MYO18B: variants seen among roughly 807,000 people sequenced by gnomAD.
MYO18B encodes unconventional myosin-XVIIIb.
MYO18B carries 204 observed loss-of-function variants against 273.0 expected under a neutral mutation model. The observed-to-expected ratio is 0.75, with a 90% confidence interval of 0.67 to 0.84. The LOEUF is 0.84. MYO18B is among the 40% of genes least tolerant of loss of function. The probability of loss-of-function intolerance (pLI) is 0.00; values close to 1 mark genes in which losing one functional copy is unlikely to be tolerated. For missense variants in MYO18B, 3,212 were observed against 3,287.6 expected (o/e 0.98, Z 0.56); for synonymous variants, 1,330 against 1,305.7 (o/e 1.02, Z -0.40).
At chr22:25,952,229 T>C in intron 37 of MYO18B, 57 bp from the exon 38 acceptor site, 1 of 1,579,844 alleles carries the variant, frequency 6.3e-7, no homozygotes, top group Non-Finnish European at 8.6e-7. Context: ...CCTGCACATG[T>C]CTCTGTCCTG....
Position 25,874,402 on chromosome 22 carries a change from C to G in MYO18B, c.4068C>G (p.Phe1356Leu). Residue 1356 changes from phenylalanine to leucine, a missense_variant, in exon 23 of 44, where the codon TTC (phenylalanine) becomes TTG (leucine). Transcript: ENST00000335473. ...ACKGFLSRQEFKKLKIRRLAA... is the reference protein window; with the variant it reads ...ACKGFLSRQELKKLKIRRLAA... ...AGGGCTTTCTGTCTCGCCAGGAATT[C>G]AAGAAGCTGAAGGTACTGCATGCCG... 6.2e-7 allele frequency: 1 copy of G among 1,613,734 alleles called. No homozygotes were observed. Among genetic ancestry groups the G allele is most frequent in the African/African-American group, 1.3e-5 (1 of 75,050 alleles).
In MYO18B at chr22:25,908,412, C is replaced by G. The variant is rs200325801; in HGVS notation, c.5239C>G (p.Arg1747Gly). Residue 1747 changes from arginine to glycine, a missense_variant, in exon 32 of 44, where the codon CGT becomes GGT. Arg to Gly is a moderately radical substitution (Grantham distance 125, BLOSUM62 -2). Coordinates refer to ENST00000335473, the MANE Select transcript of MYO18B (RefSeq NM_032608.7). ...CCAGGAGGAGGAACTGGAGGATGTC[C>G]GTCAGTCCTGCCAGAAGCGGGTACG... The part of the protein sequence containing the change: ...EDQEEELEDV[R>G]QSCQKRLHQL... 2 of 1,595,144 alleles carry G rather than the reference C, an allele frequency of 1.3e-6. No individual in the cohort carries two copies. Among genetic ancestry groups the G allele is most frequent in the African/African-American group, 2.7e-5 (2 of 74,710 alleles).
intron 21 of MYO18B, among the ~76,000 whole-genome samples, chr22:25,859,165 A>G (rs78562266): frequency 0.011 from 1,735 of 152,298 alleles, 29 homozygotes; most frequent in African/African-American, 0.04. Flanking sequence ...TGCCCCTTCT[A>G]TACAATGAAG....
At position 25,935,878 on chromosome 22, in the gene MYO18B, G is replaced by A. The variant is rs183147860; in HGVS notation, c.5518-10259G>A. 2.0e-4 allele frequency among the ~76,000 whole-genome samples: 31 copies of A among 152,328 alleles called. No homozygotes were observed. The East Asian group carries it at 2.9e-3, about 14-fold the overall frequency. On this transcript the variant is annotated intron_variant, in intron 34 of 43. Transcript: ENST00000335473. ...AGGATGGGGGAGCACTCCTGGTTGC[G>A]GGCTTCTTCCCAAGGATGCATGCAG... is the stretch of plus-strand genomic sequence containing the variant.
At position 25,919,670 on chromosome 22, in the gene MYO18B, GTGTGTGTA is replaced by G. The variant is rs1191179572; in HGVS notation, c.5365-1579_5365-1572del. 9.7e-5 allele frequency among the ~76,000 whole-genome samples: 12 copies of G among 123,608 alleles called. No individual in the cohort carries two copies. In the South Asian group the frequency reaches 2.4e-3, roughly 25 times the overall value. 81.1% of individuals were successfully genotyped at this position (123,608 alleles called of 152,430 possible). A position where few individuals can be genotyped will look rare whatever the true frequency, so the allele number is the denominator to read the frequency against. ...AACTCAGTTCAGCAGGTGAGATTGT[GTGTGTGTA>G]TGTGTGTGTGTGTGTGTGTGTGTGT... On this transcript the variant is annotated intron_variant, in intron 33 of 43. Coordinates refer to ENST00000335473, the MANE Select transcript of MYO18B (RefSeq NM_032608.7).
intron 36 of MYO18B, among the ~76,000 whole-genome samples, chr22:25,949,385 G>A (rs2092765596): frequency 2.0e-5 from 3 of 152,170 alleles, no homozygotes; most frequent in East Asian, 1.9e-4. Flanking sequence ...GGAGATGATC[G>A]GGAGCCATGA....
At chr22:25,999,750 G>A (rs955905511) in intron 40 of MYO18B, among the ~76,000 whole-genome samples, 2 of 151,792 alleles carry the variant, frequency 1.3e-5, no homozygotes, top group South Asian at 2.1e-4. Flanking sequence ...CTGCCTCCCA[G>A]GTTCAAGCAA....
At chr22:26,018,706 A>C (rs368938755) in intron 42 of MYO18B, among the ~76,000 whole-genome samples, 7 of 152,236 alleles carry the variant, frequency 4.6e-5, no homozygotes, top group African/African-American at 1.7e-4. Flanking sequence ...TAATCCTAGC[A>C]CTTTGGGAGG....
At chr22:25,792,004 T>G (rs1049805500) in intron 11 of MYO18B, among the ~76,000 whole-genome samples, 3 of 152,210 alleles carry the variant, frequency 2.0e-5, no homozygotes, top group African/African-American at 7.2e-5. Context: ...CCCACTGTCA[T>G]CTCAGATCAC....
At position 25,792,821 on chromosome 22, in the gene MYO18B, C is replaced by T. The variant is rs375373837; in HGVS notation, c.2377-5132C>T. ...GCATTTTCCTCCCCAAGTTAGCTCC[C>T]GTTCCGGGAGGCAGAGGGGTGGGAA... On this transcript the variant is annotated intron_variant, in intron 11 of 43. Coordinates refer to ENST00000335473, the MANE Select transcript of MYO18B (RefSeq NM_032608.7). 1.5e-3 allele frequency among the ~76,000 whole-genome samples: 221 copies of T among 152,174 alleles called. 9 individuals are homozygous for T. The South Asian group carries it at 0.043, about 30-fold the overall frequency.
chr22:25,771,102 T>A, intron 6 of MYO18B, 118 bp downstream of exon 6: 1 of 766,824 alleles, frequency 1.3e-6, no homozygotes, highest in Non-Finnish European at 2.2e-6. Flanking sequence ...ACCAATACCA[T>A]TTTGGCTTGA....
At chr22:25,990,898 T>A (rs536616161) in intron 39 of MYO18B, among the ~76,000 whole-genome samples, 10 of 147,372 alleles carry the variant, frequency 6.8e-5, no homozygotes, top group Non-Finnish European at 1.3e-4. Flanking sequence ...AGTCCAAAAA[T>A]AAACTTTACA....
At chr22:26,057,432 T>TTTA in the MYO18B span, among the ~76,000 whole-genome samples, 1 of 152,206 alleles carries the variant, frequency 6.6e-6, no homozygotes, top group Non-Finnish European at 1.5e-5. Flanking sequence ...TAAAGTTGTC[T>TTTA]TTATTTCACA....
chr22:25,851,253 C>T (rs892519955), intron 20 of MYO18B, among the ~76,000 whole-genome samples: 4 of 152,070 alleles, frequency 2.6e-5, no homozygotes, highest in African/African-American at 9.7e-5. Context: ...TTATAGGGTT[C>T]GTGTTCTCAG....
At position 25,947,743 on chromosome 22, in the gene MYO18B, A is replaced by G; in HGVS notation, c.5663A>G (p.Glu1888Gly). 6.2e-7 allele frequency: 1 copy of G among 1,613,704 alleles called. No homozygotes were observed. The highest frequency in any genetic ancestry group is 1.1e-5 in the South Asian group (1 of 91,030). ...VDEQLYRLQF[E>G]KADLLKRIDE... is the part of the protein sequence containing the mutation. ...GAGCAGCTGTACAGGCTGCAGTTTG[A>G]GAAGGCGGACCTCCTGAAGCGCATC... Residue 1888 changes from glutamate to glycine, a missense_variant, in exon 36 of 44, where the codon GAG becomes GGG. Coordinates refer to ENST00000335473, the MANE Select transcript of MYO18B (RefSeq NM_032608.7).
rs573549952 is a variant in MYO18B, at chr22:25,954,172, GTC to G, written c.5971-1005_5971-1004del. ...GCCAACTAATGAATTCTGCAGAACA[GTC>G]TTTGGGTTTGTTTTGTGTGGCACTC... is the stretch of plus-strand genomic sequence containing the variant. On this transcript the variant is annotated intron_variant, in intron 38 of 43. Coordinates refer to ENST00000335473, the MANE Select transcript of MYO18B (RefSeq NM_032608.7). 2.6e-5 allele frequency among the ~76,000 whole-genome samples: 4 copies of G among 152,274 alleles called. No individual in the cohort carries two copies. In the East Asian group the frequency reaches 5.8e-4, roughly 22 times the overall value.
At chr22:25,839,167 T>C (rs768018685) in intron 17 of MYO18B, among the ~76,000 whole-genome samples, 56 of 152,162 alleles carry the variant, frequency 3.7e-4, no homozygotes, top group Middle Eastern at 3.4e-3. Context: ...TGTGTGTGCA[T>C]GTGTGTATAT....
intron 40 of MYO18B, among the ~76,000 whole-genome samples, chr22:25,996,239 C>T (rs1933224299): frequency 6.6e-6 from 1 of 152,166 alleles, no homozygotes; most frequent in Non-Finnish European, 1.5e-5. Context: ...GGCTTCCTAG[C>T]ACATTACCTT....
At chr22:25,964,694 C>T (rs1340887042) in intron 39 of MYO18B, 1 of 152,168 alleles carries the variant, frequency 6.6e-6, no homozygotes, top group Admixed American at 6.5e-5. Context: ...CAAATGTCCC[C>T]TAAGGGGCAA....
Sources: allele counts gnomAD v4.1 joint callset (sites outside exome capture counted in the v4.1 genomes callset), GRCh38; gene constraint gnomAD v4.1.1; transcripts MANE v1.5; gene names NCBI Gene and HGNC (gene_info 2026-07-23, HGNC 2026-07-21).